RAPGEF4: variants seen among roughly 807,000 people sequenced by gnomAD.
RAPGEF4 encodes RAP guanine-nucleotide-exchange factor (GEF) 4.
Under a neutral mutation model 147.9 loss-of-function variants are expected in RAPGEF4, and 66 were observed. The observed-to-expected ratio is 0.45, with a 90% confidence interval of 0.37 to 0.55. The LOEUF (loss-of-function observed/expected upper bound fraction) is 0.55. RAPGEF4 is among the 20% of genes least tolerant of loss of function. The pLI, the probability that RAPGEF4 is intolerant of heterozygous loss-of-function variation, is 0.00. For missense variants in RAPGEF4, 1,071 were observed against 1,257.3 expected (o/e 0.85, Z 2.24); for synonymous variants, 419 against 442.7 (o/e 0.95, Z 0.67).
chr2:172,764,982 G>A (rs1301458566), intron 1 of RAPGEF4, among the ~76,000 whole-genome samples: 4 of 152,194 alleles, frequency 2.6e-5, no homozygotes. Context: ...GAATAGGAAT[G>A]TATTGTCTAA....
intron 4 of RAPGEF4, among the ~76,000 whole-genome samples, chr2:172,847,491 C>T (rs1239035787): frequency 2.6e-5 from 4 of 152,180 alleles, no homozygotes; most frequent in African/African-American, 9.7e-5. Context: ...TGCCCTGGGA[C>T]ATCTCACCTG....
At chr2:172,976,587 G>T (rs891568082) in intron 10 of RAPGEF4, among the ~76,000 whole-genome samples, 1 of 152,120 alleles carries the variant, frequency 6.6e-6, no homozygotes, top group Non-Finnish European at 1.5e-5. Flanking sequence ...GCTTGACCAT[G>T]GCTTATGTAG....
At chr2:172,794,248 G>A (rs577501019) in intron 1 of RAPGEF4, among the ~76,000 whole-genome samples, 8 of 151,510 alleles carry the variant, frequency 5.3e-5, no homozygotes, top group East Asian at 1.9e-4. Flanking sequence ...ATGTAGTAGC[G>A]GGCGGCTGTA....
chr2:172,892,650 T>C (rs1698056753), intron 4 of RAPGEF4, among the ~76,000 whole-genome samples: 1 of 152,208 alleles, frequency 6.6e-6, no homozygotes, highest in Non-Finnish European at 1.5e-5. Flanking sequence ...AATTCTGAAA[T>C]GCATTCAACA....
At chr2:172,902,968 A>G (rs1699228347) in intron 4 of RAPGEF4, among the ~76,000 whole-genome samples, 1 of 152,202 alleles carries the variant, frequency 6.6e-6, no homozygotes, top group East Asian at 1.9e-4. Context: ...GTTCATGGGA[A>G]CTTGGAGCAG....
chr2:172,998,999 C>T (rs1056439675), intron 16 of RAPGEF4, among the ~76,000 whole-genome samples: 4 of 152,184 alleles, frequency 2.6e-5, no homozygotes, highest in Non-Finnish European at 5.9e-5. Flanking sequence ...ATTGCTGCTG[C>T]TTCTGCTTCT....
chr2:173,024,779 T>C (rs1559194332), intron 23 of RAPGEF4, among the ~76,000 whole-genome samples: 1 of 152,232 alleles, frequency 6.6e-6, no homozygotes, highest in Admixed American at 6.5e-5. Flanking sequence ...GTCTATTATC[T>C]AGTCTATTAC....
intron 1 of RAPGEF4, among the ~76,000 whole-genome samples, chr2:172,763,101 C>T (rs1159036890): frequency 6.6e-6 from 1 of 152,168 alleles, no homozygotes; most frequent in East Asian, 1.9e-4. Context: ...CTTGATGAGC[C>T]AGTCTGTTGA....
rs907364007 is a variant in RAPGEF4, at chr2:172,735,885, G to T, written c.-99G>T. On this transcript the variant is annotated 5_prime_UTR_variant, in exon 1 of 31. Coordinates refer to ENST00000397081, the MANE Select transcript of RAPGEF4 (RefSeq NM_007023.4). ...GCGCTGGTCGCCAGGCGTCCGGGAG[G>T]AGCGGGGTCCGCGCGGCGGACGAGG... is the stretch of plus-strand genomic sequence containing the variant. 4.9e-4 allele frequency: 521 copies of T among 1,072,896 alleles called. No homozygotes were observed. The highest frequency in any genetic ancestry group is 8.5e-4 in the Admixed American group (19 of 22,334). 66.5% of individuals were successfully genotyped at this position (1,072,896 alleles called of 1,614,324 possible).
chr2:172,831,491 A>G (rs1690353403), intron 4 of RAPGEF4, among the ~76,000 whole-genome samples: 1 of 151,484 alleles, frequency 6.6e-6, no homozygotes, highest in Non-Finnish European at 1.5e-5. Flanking sequence ...TTGGTCTCGA[A>G]CCCCTGATCT....
rs116826157 is a variant in RAPGEF4 at position 172,786,764 on chromosome 2, T to C, written c.66-8261T>C. 1.4e-3 allele frequency among the ~76,000 whole-genome samples: 217 copies of C among 152,224 alleles called. 1 individual carries two copies. The highest frequency in any genetic ancestry group is 4.8e-3 in the African/African-American group (201 of 41,534). On this transcript the variant is annotated intron_variant, in intron 1 of 30. Transcript: ENST00000397081. Reference sequence around the variant, plus strand: ...GGTGGCATGTACCTGTAGTCCCAGCTTCGTGAGAGTCTGATGCAGGAGGAT... The same window carrying C: ...GGTGGCATGTACCTGTAGTCCCAGCCTCGTGAGAGTCTGATGCAGGAGGAT...
intron 1 of RAPGEF4, among the ~76,000 whole-genome samples, chr2:172,753,531 C>A (rs143718808): frequency 4.1e-4 from 62 of 150,900 alleles, no homozygotes; most frequent in African/African-American, 1.5e-3. Flanking sequence ...TTGGGAAAAG[C>A]AACACAGGTA....
chr2:172,836,421 AGTTGTGATATCCTAGAGCAACCTCATAG>A (rs1448258615), intron 4 of RAPGEF4, among the ~76,000 whole-genome samples: 2 of 152,204 alleles, frequency 1.3e-5, no homozygotes, highest in East Asian at 3.9e-4. Flanking sequence ...GTGACGTCTC[AGTTGTGATATCCTAGAGCAACCTCATAG>A]CCCTGATCTC....
At chr2:172,928,462 G>A (rs992954105) in intron 6 of RAPGEF4, 2 of 255,628 alleles carry the variant, frequency 7.8e-6, no homozygotes, top group Non-Finnish European at 1.6e-5. Context: ...TATGCCGTGT[G>A]TTGGTTGCTT....
intron 1 of RAPGEF4, among the ~76,000 whole-genome samples, chr2:172,771,946 A>G (rs937258983): frequency 1.3e-5 from 2 of 152,222 alleles, no homozygotes; most frequent in Admixed American, 1.3e-4. Context: ...GTAGAAAGTA[A>G]TAACTGTTGG....
chr2:172,824,412 C>T (rs1345422610), intron 4 of RAPGEF4, among the ~76,000 whole-genome samples: 1 of 152,210 alleles, frequency 6.6e-6, no homozygotes, highest in African/African-American at 2.4e-5. Flanking sequence ...TCTGCATACA[C>T]CTGGCTGGTG....
chr2:172,926,694 T>C (rs773685233), intron 6 of RAPGEF4, among the ~76,000 whole-genome samples: 4 of 151,970 alleles, frequency 2.6e-5, no homozygotes, highest in Non-Finnish European at 1.5e-5. Context: ...GCCTTAGCCT[T>C]CTGAGTAGCT....
At chr2:172,944,789 T>C (rs114052982) in intron 6 of RAPGEF4, among the ~76,000 whole-genome samples, 1,821 of 152,252 alleles carry the variant, frequency 0.012, 35 homozygotes, top group African/African-American at 0.041. Flanking sequence ...AAAAATTATG[T>C]CCACAGTTTA....
rs1038636155 is a variant in RAPGEF4, at chr2:173,016,531, A to G, written c.1898+94A>G. On this transcript the variant is annotated intron_variant, in intron 19 of 30. Transcript: ENST00000397081. ...GAAAGGTTAAAGCTGGTCTTTCCATAGCCATGCCCCGCTTGATTTGATTTA... is the reference window on the plus strand; with the variant it reads ...GAAAGGTTAAAGCTGGTCTTTCCATGGCCATGCCCCGCTTGATTTGATTTA... 2.1e-4 allele frequency: 213 copies of G among 1,014,776 alleles called. 1 individual carries two copies. The highest frequency in any genetic ancestry group is 3.2e-4 in the Admixed American group (17 of 53,954). 62.9% of individuals were successfully genotyped at this position (1,014,776 alleles called of 1,614,324 possible).
Sources: gnomAD v4.1 joint callset for allele counts (sites outside exome capture counted in the v4.1 genomes callset) on GRCh38, gnomAD v4.1.1 for gene constraint, MANE v1.5 for transcripts, NCBI Gene and HGNC (gene_info 2026-07-23, HGNC 2026-07-21) for gene names.